NBEA: variants seen among roughly 807,000 people sequenced by gnomAD.
NBEA encodes neurobeachin.
NBEA carries 44 observed loss-of-function variants against 343.4 expected under a neutral mutation model. The ratio of observed to expected loss-of-function variants is 0.13; its 90% CI spans 0.10 to 0.16. The LOEUF is 0.16. NBEA is among the 10% of genes least tolerant of loss of function. The pLI is 1.00. For missense variants in NBEA, 2,555 were observed against 3,631.3 expected, an observed-to-expected ratio of 0.70 and a Z score of 7.62; for synonymous variants, 1,175 against 1,238.7, an observed-to-expected ratio of 0.95 and a Z score of 1.08.
At chr13:35,212,333 A>G (rs2073829323) in intron 33 of NBEA, among the ~76,000 whole-genome samples, 3 of 152,150 alleles carry the variant, frequency 2.0e-5, no homozygotes, top group Non-Finnish European at 2.9e-5. Flanking sequence ...ATTGTTGCAT[A>G]TAACGAGTTT....
chr13:35,251,027 G>T (rs1026499569), intron 34 of NBEA: 1 of 158,110 alleles, frequency 6.3e-6, no homozygotes, highest in Non-Finnish European at 1.4e-5. Context: ...AATGGAAGCA[G>T]GTGTAAGGGT....
At chr13:35,303,478 A>AC (rs2036686346) in intron 35 of NBEA, among the ~76,000 whole-genome samples, 1 of 152,212 alleles carries the variant, frequency 6.6e-6, no homozygotes, top group Non-Finnish European at 1.5e-5. Context: ...AGACCAAGAC[A>AC]AATAAGACCA....
At chr13:35,142,529 A>AT (rs1163425989) in intron 18 of NBEA, among the ~76,000 whole-genome samples, 152 bp downstream of exon 18, 1 of 152,166 alleles carries the variant, frequency 6.6e-6, no homozygotes, top group Non-Finnish European at 1.5e-5. Context: ...TATACCTTAT[A>AT]TTTTTATTTT....
At chr13:35,058,065 G>A (rs574987119) in intron 7 of NBEA, among the ~76,000 whole-genome samples, 1 of 152,238 alleles carries the variant, frequency 6.6e-6, no homozygotes, top group South Asian at 2.1e-4. Flanking sequence ...TGGGCGGGGT[G>A]TAAGAAGTAG....
chr13:35,542,841 C>A (rs1237644307), intron 41 of NBEA, among the ~76,000 whole-genome samples: 1 of 151,938 alleles, frequency 6.6e-6, no homozygotes, highest in Non-Finnish European at 1.5e-5. Flanking sequence ...CTATTATCAT[C>A]TGTTTTAAGA....
intron 34 of NBEA, among the ~76,000 whole-genome samples, chr13:35,277,105 T>G (rs1175396945): frequency 3.3e-5 from 5 of 152,298 alleles, no homozygotes; most frequent in Admixed American, 2.0e-4. Context: ...AAAATTCAGC[T>G]AGTTATGGAC....
At chr13:35,620,368 G>T (rs186759534) in intron 48 of NBEA, among the ~76,000 whole-genome samples, 1 of 152,008 alleles carries the variant, frequency 6.6e-6, no homozygotes, top group African/African-American at 2.4e-5. Flanking sequence ...CAGAGGGAGG[G>T]AGCCAAGTGA....
At chr13:35,122,144 G>T (rs951353997) in intron 16 of NBEA, among the ~76,000 whole-genome samples, 2 of 151,988 alleles carry the variant, frequency 1.3e-5, no homozygotes, top group Non-Finnish European at 2.9e-5. Flanking sequence ...TATATTAGTG[G>T]AGGCTATTTT....
intron 24 of NBEA, among the ~76,000 whole-genome samples, chr13:35,165,736 G>A (rs1179282105): frequency 6.7e-6 from 1 of 150,050 alleles, no homozygotes. Context: ...CCAGGCTGGA[G>A]CAGAGTAGGG....
At chr13:35,461,943 C>T (rs567215696) in intron 40 of NBEA, among the ~76,000 whole-genome samples, 1 of 152,118 alleles carries the variant, frequency 6.6e-6, no homozygotes, top group Non-Finnish European at 1.5e-5. Flanking sequence ...ATAGCTAGTC[C>T]AGTAGAATAT....
intron 48 of NBEA, among the ~76,000 whole-genome samples, chr13:35,610,046 C>A (rs534886111): frequency 1.3e-5 from 2 of 152,324 alleles, no homozygotes; most frequent in East Asian, 3.9e-4. Context: ...CCAGATTCGT[C>A]CACTGAAAAA....
intron 10 of NBEA, among the ~76,000 whole-genome samples, chr13:35,077,529 T>A (rs374399404): frequency 1.5e-3 from 229 of 152,250 alleles, no homozygotes; most frequent in African/African-American, 5.4e-3. Flanking sequence ...TCTATCATGA[T>A]AAACTATTGA....
intron 30 of NBEA, among the ~76,000 whole-genome samples, chr13:35,187,339 G>A (rs2071791142): frequency 6.6e-6 from 1 of 151,562 alleles, no homozygotes; most frequent in Non-Finnish European, 1.5e-5. Flanking sequence ...CCTTCTTGAA[G>A]TATTGCCATA....
intron 34 of NBEA, among the ~76,000 whole-genome samples, chr13:35,273,953 C>A (rs2034381941): frequency 6.6e-6 from 1 of 152,174 alleles, no homozygotes; most frequent in African/African-American, 2.4e-5. Context: ...AGAGCTGGTA[C>A]CTTTCCTTCT....
At chr13:35,083,663 T>C (rs1185082692) in intron 10 of NBEA, among the ~76,000 whole-genome samples, 3 of 152,022 alleles carry the variant, frequency 2.0e-5, no homozygotes, top group African/African-American at 7.2e-5. Context: ...CATGCCAAAT[T>C]GTAAAGACCA....
chr13:35,064,940 T>G (rs2063596346), intron 8 of NBEA, among the ~76,000 whole-genome samples: 1 of 151,004 alleles, frequency 6.6e-6, no homozygotes, highest in Non-Finnish European at 1.5e-5. Context: ...AGCCTCTGAT[T>G]CTTTTTCATA....
chr13:35,334,869 T>G (rs1416827984), intron 36 of NBEA, among the ~76,000 whole-genome samples: 1 of 152,200 alleles, frequency 6.6e-6, no homozygotes, highest in African/African-American at 2.4e-5. Flanking sequence ...TGTGATCCCA[T>G]GTGTTCATGT....
At chr13:34,999,299 G>T (rs1398101534) in intron 1 of NBEA, among the ~76,000 whole-genome samples, 2 of 152,002 alleles carry the variant, frequency 1.3e-5, no homozygotes, top group Non-Finnish European at 2.9e-5. Flanking sequence ...TCACATCAGG[G>T]TAAATAGGGT....
At chr13:35,131,348 T>C (rs766181156) in intron 17 of NBEA, among the ~76,000 whole-genome samples, 1 of 152,172 alleles carries the variant, frequency 6.6e-6, no homozygotes, top group Non-Finnish European at 1.5e-5. Flanking sequence ...GTTACTTTTT[T>C]AAAAGTATAC....
Sources: gnomAD v4.1 joint callset for allele counts (sites outside exome capture counted in the v4.1 genomes callset) on GRCh38, gnomAD v4.1.1 for gene constraint, MANE v1.5 for transcripts, NCBI Gene and HGNC (gene_info 2026-07-23, HGNC 2026-07-21) for gene names.